Variants in PSMC1 observed in about 807,000 individuals in gnomAD.
The protein encoded by PSMC1 is 26S proteasome regulatory subunit 4.
In PSMC1, 5 loss-of-function variants were observed where a neutral mutation model predicts 49.8. The observed-to-expected ratio is 0.10, with a 90% CI of 0.05 to 0.21. PSMC1 has a LOEUF of 0.21. PSMC1 is among the 10% of genes least tolerant of loss of function. PSMC1 has a pLI of 1.00. For missense variants in PSMC1, 181 were observed against 535.7 expected (o/e 0.34, Z 6.54); for synonymous variants, 155 against 192.1 (o/e 0.81, Z 1.60).
intron 1 of PSMC1, among the ~76,000 whole-genome samples, chr14:90,257,732 A>G (rs1298236419): frequency 1.3e-5 from 2 of 151,992 alleles, no homozygotes; most frequent in African/African-American, 2.4e-5. Flanking sequence ...AGCTGCGACT[A>G]TAGGCGCCCG....
chr14:90,265,788 G>T (rs1392303057), intron 7 of PSMC1, among the ~76,000 whole-genome samples: 1 of 151,850 alleles, frequency 6.6e-6, no homozygotes, highest in African/African-American at 2.4e-5. Flanking sequence ...GAGCCCTGGA[G>T]GTTGAGGCTA....
At chr14:90,265,423 G>A (rs1398589108) in intron 7 of PSMC1, among the ~76,000 whole-genome samples, 1 of 151,908 alleles carries the variant, frequency 6.6e-6, no homozygotes, top group Admixed American at 6.6e-5. Context: ...GGGCGCAGTG[G>A]CTCACGCCTG....
At chr14:90,263,885 G>A (rs1009816403) in intron 5 of PSMC1, 38 bp downstream of exon 5, 1 of 1,610,822 alleles carries the variant, frequency 6.2e-7, no homozygotes, top group Non-Finnish European at 8.5e-7. Flanking sequence ...CCACGGAAGT[G>A]CTTTCTCTTC....
chr14:90,263,830 G>A lies in PSMC1; in HGVS notation c.448G>A (p.Val150Ile), dbSNP rs1464761762. The change falls in exon 5 of 11, where the codon GTC (valine) becomes ATC (isoleucine). Residue 150 changes from valine (V) to isoleucine (I), a missense_variant. Val to Ile is a conservative substitution (Grantham distance 29). Coordinates refer to ENST00000261303, the MANE Select transcript of PSMC1 (RefSeq NM_002802.3). Reference sequence around the variant, plus strand: ...GGATCTGCTGGAACCTGGCTGCTCGGTCCTGCTCAACCACAAGGTGAGGTG... The same window carrying A: ...GGATCTGCTGGAACCTGGCTGCTCGATCCTGCTCAACCACAAGGTGAGGTG... ...DKDLLEPGCSVLLNHKVHAVI... is the reference protein window; with the variant it reads ...DKDLLEPGCSILLNHKVHAVI... 2 of 1,614,032 alleles carry A rather than the reference G, an allele frequency of 1.2e-6. No homozygotes were observed. The highest frequency in any genetic ancestry group is 2.2e-5 in the East Asian group (1 of 44,898).
At chr14:90,268,583 C>A in intron 8 of PSMC1, 170 bp downstream of exon 8, 1 of 641,440 alleles carries the variant, frequency 1.6e-6, no homozygotes, top group Non-Finnish European at 2.7e-6. Flanking sequence ...TAACAACTGC[C>A]CAGTAACTGT....
chr14:90,274,838 A>ACACACACACACACACAC lies in PSMC1; in HGVS notation c.*2432_*2433insACACACACACACACACC, dbSNP rs1491397403. The ACACACACACACACACAC allele has an allele frequency of 1.5e-5, 1 of 67,186 alleles. No homozygotes were observed. The highest frequency in any genetic ancestry group is 6.1e-5 in the African/African-American group (1 of 16,314). The allele number at this position is 67,186 out of a possible 1,614,324, so 4.2% of individuals were successfully genotyped here. On this transcript the variant is annotated 3_prime_UTR_variant, in exon 11 of 11. Coordinates refer to ENST00000261303, the MANE Select transcript of PSMC1 (RefSeq NM_002802.3). ...CACACACACACACACACACACACACACCCCAATACATATGAATTGATCTGA... is the reference window on the plus strand; with the variant it reads ...CACACACACACACACACACACACACACACACACACACACACACCCCCAATACATATGAATTGATCTGA...
rs149983987 is a variant in PSMC1 at position 90,261,394 on chromosome 14, C to T, written c.154+1183C>T. Among the ~76,000 whole-genome samples, 604 of 152,238 alleles carry T rather than the reference C, an allele frequency of 4.0e-3. 5 individuals are homozygous for T. The highest frequency in any genetic ancestry group is 4.6e-3 in the Non-Finnish European group (313 of 68,026). ...ATTGAAGGAAATCAGTAAAACCAGC[C>T]ATTGGTCTACCATAATGAATTGGTA... On this transcript the variant is annotated intron_variant, in intron 3 of 10. Coordinates refer to ENST00000261303, the MANE Select transcript of PSMC1 (RefSeq NM_002802.3).
intron 6 of PSMC1, among the ~76,000 whole-genome samples, 159 bp from the exon 7 acceptor site, chr14:90,264,911 G>A (rs1307791902): frequency 6.6e-6 from 1 of 152,220 alleles, no homozygotes; most frequent in Non-Finnish European, 1.5e-5. Flanking sequence ...GTCATCTTCA[G>A]TATGTCTTTG....
At position 90,272,644 on chromosome 14, in the gene PSMC1, T is replaced by C. The variant is rs1891699938; in HGVS notation, c.*237T>C. 1 of 394,350 alleles carries C rather than the reference T, an allele frequency of 2.5e-6. No homozygotes were observed. The highest frequency in any genetic ancestry group is 2.1e-5 in the African/African-American group (1 of 47,552). 24.4% of individuals were successfully genotyped at this position (394,350 alleles called of 1,614,324 possible). A position where few individuals can be genotyped will look rare whatever the true frequency, so the allele number is the denominator to read the frequency against. ...ACAAACACTTCCTGTTTCTGCAGTC[T>C]CCACACACACCTACCGCTCAACAGC... On this transcript the variant is annotated 3_prime_UTR_variant, in exon 11 of 11. Coordinates refer to ENST00000261303, the MANE Select transcript of PSMC1 (RefSeq NM_002802.3). This position sits in a 1 kb window ranked among gnomAD's most constrained non-coding sequence, Gnocchi z 4.5.
At chr14:90,268,191 CT>C (rs34247505) in intron 7 of PSMC1, 32 bp from the exon 8 acceptor site, 60,308 of 1,201,772 alleles carry the variant, frequency 0.05, 19 homozygotes, top group Middle Eastern at 0.073. Context: ...CTTAAGGTGT[CT>C]TTTTTTTTTT....
chr14:90,268,559 TCCCAGGA>T, intron 8 of PSMC1, 146 bp downstream of exon 8: 1 of 736,346 alleles, frequency 1.4e-6, no homozygotes, highest in Non-Finnish European at 2.3e-6. Context: ...GGCTCTGCTC[TCCCAGGA>T]GCCAGCTAAC....
chr14:90,259,323 A>T, intron 2 of PSMC1, 110 bp downstream of exon 2: 1 of 1,028,278 alleles, frequency 9.7e-7, no homozygotes, highest in Non-Finnish European at 1.4e-6. Flanking sequence ...AGAATGATCC[A>T]GTAGTTTTTA....
In PSMC1 at chr14:90,274,792, A is replaced by G. The variant is rs1435894201; in HGVS notation, c.*2385A>G. 1 of 11,378 alleles carries G rather than the reference A, an allele frequency of 8.8e-5. No homozygotes were observed. Among genetic ancestry groups the G allele is most frequent in the Non-Finnish European group, 1.8e-4 (1 of 5,484 alleles). 0.7% of individuals were successfully genotyped at this position (11,378 alleles called of 1,614,324 possible). On this transcript the variant is annotated 3_prime_UTR_variant, in exon 11 of 11. Transcript: ENST00000261303. ...TAGCCCTTTAAATAGGGAACTACAC[A>G]CACACACACACACACACACACACAC... is the stretch of plus-strand genomic sequence containing the variant.
chr14:90,262,384 G>A (rs1891417666), intron 3 of PSMC1, among the ~76,000 whole-genome samples: 1 of 151,974 alleles, frequency 6.6e-6, no homozygotes, highest in Non-Finnish European at 1.5e-5. Flanking sequence ...TTGCCAAATG[G>A]AATACAGGTA....
At chr14:90,260,242 C>A in intron 3 of PSMC1, 31 bp downstream of exon 3, 1 of 1,501,096 alleles carries the variant, frequency 6.7e-7, no homozygotes, top group Non-Finnish European at 9.2e-7. Context: ...TGCCATCTTT[C>A]CAGTTCTTAG....
At chr14:90,262,303 T>G (rs1016210682) in intron 3 of PSMC1, among the ~76,000 whole-genome samples, 4 of 151,636 alleles carry the variant, frequency 2.6e-5, no homozygotes, top group Non-Finnish European at 5.9e-5. Flanking sequence ...ATAATAATAA[T>G]AAAATTAAAA....
rs1304486137 is a variant in PSMC1 at position 90,273,969 on chromosome 14, T to TAA, written c.*1564_*1565dup. On this transcript the variant is annotated 3_prime_UTR_variant, in exon 11 of 11. Coordinates refer to ENST00000261303, the MANE Select transcript of PSMC1 (RefSeq NM_002802.3). ...ATGATCCAGGATAATTTCCCTGTTT[T>TAA]AAAGTTTACAATCTTCTTAATTTTT... 1.4e-5 allele frequency: 2 copies of TAA among 142,310 alleles called. No individual in the cohort carries two copies. Among genetic ancestry groups the TAA allele is most frequent in the African/African-American group, 5.0e-5 (2 of 40,080 alleles). 8.8% of individuals were successfully genotyped at this position (142,310 alleles called of 1,614,324 possible). A position where few individuals can be genotyped will look rare whatever the true frequency, so the allele number is the denominator to read the frequency against.
Position 90,270,273 on chromosome 14 carries a change from G to A in PSMC1, c.1109G>A (p.Ser370Asn). 1.2e-6 allele frequency: 2 copies of A among 1,613,704 alleles called. No homozygotes were observed. Among genetic ancestry groups the A allele is most frequent in the Non-Finnish European group, 1.7e-6 (2 of 1,179,894 alleles). Residue 370 changes from serine (S) to asparagine (N), a missense_variant, in exon 10 of 11, where the codon AGC (serine) becomes AAC (asparagine). Coordinates refer to ENST00000261303, the MANE Select transcript of PSMC1 (RefSeq NM_002802.3). ...TKKRIFQIHT[S>N]RMTLADDVTL... ...AAGCGCATCTTTCAGATTCACACAA[G>A]CAGGATGACGCTGGCTGATGATGTA...
chr14:90,263,481 T>C (rs139285884), intron 4 of PSMC1, 39 bp downstream of exon 4: 1 of 1,529,922 alleles, frequency 6.5e-7, no homozygotes, highest in South Asian at 1.2e-5. Context: ...TTTTTACAAA[T>C]TGAATTCTAT....
Sources: gnomAD v4.1 joint callset for allele counts (sites outside exome capture counted in the v4.1 genomes callset) on GRCh38, gnomAD v4.1.1 for gene constraint, Gnocchi (gnomAD v3.1) non-coding constraint, MANE v1.5 for transcripts, NCBI Gene and HGNC (gene_info 2026-07-23, HGNC 2026-07-21) for gene names.